Variants in PDZRN4 observed in about 807,000 individuals in gnomAD.
PDZRN4 encodes PDZ domain containing ring finger 4.
Under a neutral mutation model 99.0 loss-of-function variants are expected in PDZRN4, and 70 were observed. The ratio of observed to expected loss-of-function variants is 0.71; its 90% CI spans 0.58 to 0.86. The LOEUF is 0.86. PDZRN4 is among the 40% of genes least tolerant of loss of function. PDZRN4 has a pLI of 0.00. For missense variants in PDZRN4, 1,474 were observed against 1,331.2 expected (o/e 1.11, Z -1.67); for synonymous variants, 551 against 501.6 (o/e 1.10, Z -1.32).
chr12:41,212,112 C>T (rs1950892222), intron 3 of PDZRN4, among the ~76,000 whole-genome samples: 2 of 151,900 alleles, frequency 1.3e-5, no homozygotes, highest in African/African-American at 4.8e-5. Flanking sequence ...CTCAATCTTG[C>T]CTTATACCAG....
At position 41,316,702 on chromosome 12, in the gene PDZRN4, A is replaced by C. The variant is rs571717088; in HGVS notation, c.843+122514A>C. Among the ~76,000 whole-genome samples, 4 of 152,088 alleles carry C rather than the reference A, an allele frequency of 2.6e-5. No individual in the cohort carries two copies. The East Asian group carries it at 7.7e-4, about 29-fold the overall frequency. Reference sequence around the variant, plus strand: ...AGTCTAGCTTGTTGGTACTTTAAGCAATTTAATCCAATTACCTCCTATAAA... The same window carrying C: ...AGTCTAGCTTGTTGGTACTTTAAGCCATTTAATCCAATTACCTCCTATAAA... On this transcript the variant is annotated intron_variant, in intron 3 of 9. Coordinates refer to ENST00000402685, the MANE Select transcript of PDZRN4 (RefSeq NM_001164595.2).
At chr12:41,270,081 A>G (rs1951303815) in intron 3 of PDZRN4, among the ~76,000 whole-genome samples, 1 of 152,090 alleles carries the variant, frequency 6.6e-6, no homozygotes, top group Non-Finnish European at 1.5e-5. Context: ...CCTGGATTTG[A>G]CTTTAATTTC....
chr12:41,499,703 C>T (rs1361515960), intron 3 of PDZRN4, among the ~76,000 whole-genome samples: 1 of 151,954 alleles, frequency 6.6e-6, no homozygotes, highest in Non-Finnish European at 1.5e-5. Context: ...TGGATAAGTT[C>T]ACAAATAATG....
chr12:41,286,587 T>C (rs1439900468), intron 3 of PDZRN4, among the ~76,000 whole-genome samples: 1 of 152,194 alleles, frequency 6.6e-6, no homozygotes, highest in Non-Finnish European at 1.5e-5. Flanking sequence ...AAGCTCTGTT[T>C]AAATAACATT....
intron 3 of PDZRN4, among the ~76,000 whole-genome samples, chr12:41,496,866 C>A (rs1289505526): frequency 6.6e-6 from 1 of 152,076 alleles, no homozygotes; most frequent in Non-Finnish European, 1.5e-5. Context: ...ACACAATTTC[C>A]AGTTTCTTAT....
chr12:41,222,611 C>T (rs1421988445), intron 3 of PDZRN4, among the ~76,000 whole-genome samples: 3 of 152,078 alleles, frequency 2.0e-5, no homozygotes, highest in South Asian at 2.1e-4. Flanking sequence ...CTCCACCTCC[C>T]GGGTTGAAGT....
intron 3 of PDZRN4, among the ~76,000 whole-genome samples, chr12:41,315,568 T>C (rs1245540601): frequency 6.6e-6 from 1 of 152,154 alleles, no homozygotes; most frequent in Non-Finnish European, 1.5e-5. Flanking sequence ...TATAAAACTA[T>C]AATTCTTGTG....
At chr12:41,571,855 C>T (rs1939487922) in intron 9 of PDZRN4, among the ~76,000 whole-genome samples, 2 of 152,166 alleles carry the variant, frequency 1.3e-5, no homozygotes, top group Admixed American at 1.3e-4. Flanking sequence ...AGTCCTAAAA[C>T]TCTGTGATGT....
intron 3 of PDZRN4, among the ~76,000 whole-genome samples, chr12:41,247,452 TTACC>T (rs1242612589): frequency 6.6e-6 from 1 of 152,188 alleles, no homozygotes; most frequent in African/African-American, 2.4e-5. Flanking sequence ...ACCATTGAAA[TTACC>T]CAATATAAGT....
At chr12:41,354,092 A>G (rs1459841325) in intron 3 of PDZRN4, among the ~76,000 whole-genome samples, 2 of 152,138 alleles carry the variant, frequency 1.3e-5, no homozygotes, top group Non-Finnish European at 2.9e-5. Context: ...TGCATGGGAA[A>G]AGGTTAGACA....
In PDZRN4 at chr12:41,188,702, T is replaced by A. The variant is rs1411266147; in HGVS notation, c.247T>A (p.Tyr83Asn). 52 of 1,555,764 alleles carry A rather than the reference T, an allele frequency of 3.3e-5. No homozygotes were observed. Among genetic ancestry groups the A allele is most frequent in the Non-Finnish European group, 4.5e-5 (52 of 1,161,284 alleles). Residue 83 changes from tyrosine (Y) to asparagine (N), a missense_variant, in exon 1 of 10, where the codon TAC becomes AAC. By Grantham distance (143) the Tyr-to-Asn change is moderately radical. Transcript: ENST00000402685. ...LIQKLRVQCDYRARGCGHSVR... is the reference protein window; with the variant it reads ...LIQKLRVQCDNRARGCGHSVR... ...CCAGAAGCTGCGAGTCCAGTGCGAC[T>A]ACCGCGCCCGCGGCTGCGGCCACTC... is the stretch of plus-strand genomic sequence containing the variant.
intron 3 of PDZRN4, among the ~76,000 whole-genome samples, chr12:41,338,459 A>T (rs1951791106): frequency 6.6e-6 from 1 of 152,002 alleles, no homozygotes; most frequent in Non-Finnish European, 1.5e-5. Flanking sequence ...AATAAATCTC[A>T]GAGATGAAAC....
chr12:41,567,700 C>A, intron 8 of PDZRN4, 83 bp from the exon 9 acceptor site: 1 of 679,182 alleles, frequency 1.5e-6, no homozygotes, highest in Non-Finnish European at 2.4e-6. Context: ...AGGAACTCGT[C>A]GGGCACCGGC....
chr12:41,500,255 G>T (rs1040918407), intron 3 of PDZRN4, among the ~76,000 whole-genome samples: 2 of 151,810 alleles, frequency 1.3e-5, no homozygotes, highest in Non-Finnish European at 1.5e-5. Flanking sequence ...AAAGCCAGCT[G>T]CCTGGCAAAG....
At chr12:41,446,189 G>C (rs1325553834) in intron 3 of PDZRN4, among the ~76,000 whole-genome samples, 1 of 151,964 alleles carries the variant, frequency 6.6e-6, no homozygotes, top group African/African-American at 2.4e-5. Context: ...GTCCTCTGAA[G>C]CTTTGCTTTT....
chr12:41,423,041 A>G (rs1952505116), intron 3 of PDZRN4, among the ~76,000 whole-genome samples: 1 of 152,166 alleles, frequency 6.6e-6, no homozygotes, highest in South Asian at 2.1e-4. Context: ...TTTGTTAGTT[A>G]AAAATTGGCA....
At chr12:41,341,576 C>G (rs1027641250) in intron 3 of PDZRN4, among the ~76,000 whole-genome samples, 1 of 151,396 alleles carries the variant, frequency 6.6e-6, no homozygotes, top group African/African-American at 2.4e-5. Flanking sequence ...AAGAGGAAAT[C>G]AATGAAACAA....
intron 3 of PDZRN4, among the ~76,000 whole-genome samples, chr12:41,428,148 C>A (rs1048902751): frequency 2.0e-5 from 3 of 152,016 alleles, no homozygotes; most frequent in Non-Finnish European, 2.9e-5. Context: ...CCACTACCTG[C>A]CTACTTTTTT....
At chr12:41,567,548 G>A (rs1161007239) in intron 8 of PDZRN4, among the ~76,000 whole-genome samples, 2 of 151,796 alleles carry the variant, frequency 1.3e-5, no homozygotes, top group African/African-American at 4.8e-5. Context: ...GATTTACTTG[G>A]TTATGAGAGA....
Sources: allele counts gnomAD v4.1 joint callset (sites outside exome capture counted in the v4.1 genomes callset), GRCh38; gene constraint gnomAD v4.1.1; transcripts MANE v1.5; gene names NCBI Gene and HGNC (gene_info 2026-07-23, HGNC 2026-07-21).